The following CRIM1 variants were observed in gnomAD, a reference collection of about 807,000 sequenced individuals.
The protein encoded by CRIM1 is cysteine-rich motor neuron 1 protein.
A neutral mutation model predicts 116.4 loss-of-function variants in CRIM1; 32 were observed. The observed-to-expected ratio is 0.27, with a 90% CI of 0.21 to 0.37. CRIM1 has a LOEUF of 0.37. CRIM1 is among the 10% of genes least tolerant of loss of function. The pLI is 1.00. For missense variants in CRIM1, 1,331 were observed against 1,354.8 expected, an observed-to-expected ratio of 0.98 and a Z score of 0.28; for synonymous variants, 590 against 509.2, an observed-to-expected ratio of 1.16 and a Z score of -2.13.
At chr2:36,451,178 T>C (rs371883570) in intron 4 of CRIM1, among the ~76,000 whole-genome samples, 1 of 152,104 alleles carries the variant, frequency 6.6e-6, no homozygotes, top group African/African-American at 2.4e-5. Flanking sequence ...GTGTGGGGTA[T>C]AGTGGTGAAT....
At chr2:36,506,723 CT>C (rs1681458945) in intron 8 of CRIM1, among the ~76,000 whole-genome samples, 1 of 152,138 alleles carries the variant, frequency 6.6e-6, no homozygotes, top group Non-Finnish European at 1.5e-5. Context: ...AGTCATGACG[CT>C]GAAAAATTAG....
intron 12 of CRIM1, among the ~76,000 whole-genome samples, chr2:36,519,051 A>T (rs892113101): frequency 1.3e-5 from 2 of 152,328 alleles, no homozygotes; most frequent in East Asian, 3.9e-4. Flanking sequence ...TCAAGAACAT[A>T]GGCAATCCGG....
intron 8 of CRIM1, among the ~76,000 whole-genome samples, chr2:36,506,027 T>C (rs990652511): frequency 6.6e-6 from 1 of 152,122 alleles, no homozygotes; most frequent in African/African-American, 2.4e-5. Context: ...TTTTCCAACT[T>C]GCTTATTCCA....
intron 2 of CRIM1, among the ~76,000 whole-genome samples, chr2:36,439,523 A>C (rs766617906): frequency 6.6e-6 from 1 of 151,910 alleles, no homozygotes; most frequent in African/African-American, 2.4e-5. Context: ...TGCTCATCCA[A>C]CCTCATCTCC....
At chr2:36,395,363 T>C (rs1671945404) in intron 1 of CRIM1, among the ~76,000 whole-genome samples, 1 of 152,206 alleles carries the variant, frequency 6.6e-6, no homozygotes. Context: ...GTTTAAGGTT[T>C]CTTAAATTCA....
chr2:36,371,347 C>T (rs1346897514), intron 1 of CRIM1, among the ~76,000 whole-genome samples: 1 of 152,110 alleles, frequency 6.6e-6, no homozygotes, highest in East Asian at 1.9e-4. Context: ...ATTTCTGTCT[C>T]TCTGCCTCAT....
At chr2:36,366,538 T>G (rs1460091890) in intron 1 of CRIM1, among the ~76,000 whole-genome samples, 1 of 147,740 alleles carries the variant, frequency 6.8e-6, no homozygotes, top group Non-Finnish European at 1.5e-5. Context: ...ATGGAAAGAT[T>G]AAAAAAAAAA....
At chr2:36,443,077 C>G (rs574739208) in intron 4 of CRIM1, among the ~76,000 whole-genome samples, 1 of 152,274 alleles carries the variant, frequency 6.6e-6, no homozygotes, top group African/African-American at 2.4e-5. Flanking sequence ...TCATTTGATC[C>G]TCTGCAGTGA....
chr2:36,502,579 T>TA (rs1681076092), intron 8 of CRIM1, among the ~76,000 whole-genome samples: 1 of 152,226 alleles, frequency 6.6e-6, no homozygotes, highest in African/African-American at 2.4e-5. Context: ...GGTAGTATTC[T>TA]AGGTATTAAG....
chr2:36,511,322 A>T (rs1434561360), intron 9 of CRIM1, among the ~76,000 whole-genome samples: 2 of 152,102 alleles, frequency 1.3e-5, no homozygotes, highest in African/African-American at 4.8e-5. Flanking sequence ...CTTCATTTAA[A>T]AATTCTAGGT....
intron 14 of CRIM1, among the ~76,000 whole-genome samples, chr2:36,544,043 T>C (rs1667142066): frequency 6.6e-6 from 1 of 152,238 alleles, no homozygotes; most frequent in South Asian, 2.1e-4. Context: ...CCAACATTTA[T>C]TAGCTGCTGG....
intron 14 of CRIM1, among the ~76,000 whole-genome samples, chr2:36,544,092 C>T (rs193286633): frequency 6.6e-6 from 1 of 152,300 alleles, no homozygotes; most frequent in African/African-American, 2.4e-5. Flanking sequence ...CTTCAGTTTC[C>T]ATAAAATTAT....
chr2:36,384,481 A>ATAT (rs1382288493), intron 1 of CRIM1, among the ~76,000 whole-genome samples: 1 of 152,226 alleles, frequency 6.6e-6, no homozygotes, highest in African/African-American at 2.4e-5. Context: ...TAGAGGTAAG[A>ATAT]TACTACACAA....
chr2:36,465,476 C>T (rs1244163770), intron 5 of CRIM1, among the ~76,000 whole-genome samples: 1 of 152,176 alleles, frequency 6.6e-6, no homozygotes, highest in Non-Finnish European at 1.5e-5. Context: ...ACAAATACAA[C>T]AAAATTACAC....
intron 4 of CRIM1, 147 bp downstream of exon 4, chr2:36,442,882 G>C (rs1484616485): frequency 3.2e-6 from 3 of 933,866 alleles, no homozygotes; most frequent in Admixed American, 4.1e-5. Context: ...TGCATTACTT[G>C]GTATTTATAT....
chr2:36,522,009 TG>T, intron 12 of CRIM1, 82 bp from the exon 13 acceptor site: 1 of 1,115,130 alleles, frequency 9.0e-7, no homozygotes, highest in Non-Finnish European at 1.4e-6. Flanking sequence ...CCATCATGAC[TG>T]GGTGTGCTTT....
chr2:36,428,280 G>A (rs551245472), intron 2 of CRIM1, among the ~76,000 whole-genome samples: 1 of 152,304 alleles, frequency 6.6e-6, no homozygotes, highest in Admixed American at 6.5e-5. Context: ...GCTTTTCTAA[G>A]TCACTGTTTT....
intron 2 of CRIM1, among the ~76,000 whole-genome samples, chr2:36,428,259 C>A (rs1384656732): frequency 6.6e-6 from 1 of 152,182 alleles, no homozygotes; most frequent in Non-Finnish European, 1.5e-5. Flanking sequence ...GACCCTTGGG[C>A]AAGTCATTTG....
At chr2:36,518,385 T>C (rs1665165985) in intron 12 of CRIM1, among the ~76,000 whole-genome samples, 1 of 152,240 alleles carries the variant, frequency 6.6e-6, no homozygotes, top group African/African-American at 2.4e-5. Context: ...GCATTTCTGC[T>C]CAGCAAAACA....
Sources: gnomAD v4.1 joint callset for allele counts (sites outside exome capture counted in the v4.1 genomes callset) on GRCh38, gnomAD v4.1.1 for gene constraint, MANE v1.5 for transcripts, NCBI Gene and HGNC (gene_info 2026-07-23, HGNC 2026-07-21) for gene names.